KHDRBS2: variants seen among roughly 807,000 people sequenced by gnomAD.
The protein encoded by KHDRBS2 is KH domain-containing, RNA-binding, signal transduction-associated protein 2.
Under a neutral mutation model 44.3 loss-of-function variants are expected in KHDRBS2, and 26 were observed. The ratio of observed to expected loss-of-function variants is 0.59; its 90% CI spans 0.43 to 0.81. The LOEUF (loss-of-function observed/expected upper bound fraction) is 0.81, where lower values mean the gene tolerates loss of function less well. Ranked by LOEUF, KHDRBS2 falls within the 40% of genes least tolerant of loss-of-function variation. The probability of loss-of-function intolerance (pLI) is 0.00; values close to 1 mark genes in which losing one functional copy is unlikely to be tolerated. For missense variants in KHDRBS2, 476 were observed against 433.1 expected, an observed-to-expected ratio of 1.10 and a Z score of -0.88; for synonymous variants, 194 against 151.1, an observed-to-expected ratio of 1.28 and a Z score of -2.08.
chr6:61,942,124 T>TA (rs74662367), intron 4 of KHDRBS2, among the ~76,000 whole-genome samples: 7,544 of 151,008 alleles, frequency 0.05, 368 homozygotes, highest in East Asian at 0.24. Flanking sequence ...CCTACCCAAT[T>TA]AAAAAAAAGA....
intron 5 of KHDRBS2, among the ~76,000 whole-genome samples, chr6:61,900,057 G>T (rs1338964101): frequency 2.6e-5 from 4 of 151,744 alleles, no homozygotes; most frequent in Non-Finnish European, 5.9e-5. Flanking sequence ...GCTTATTTTT[G>T]ATTTTTTAAA....
chr6:61,656,245 G>C, the KHDRBS2 span, among the ~76,000 whole-genome samples: 2 of 151,922 alleles, frequency 1.3e-5, no homozygotes, highest in East Asian at 1.9e-4. Flanking sequence ...AAACCATATA[G>C]CCTCATCTCT....
At chr6:62,107,286 T>C (rs539049685) in intron 2 of KHDRBS2, among the ~76,000 whole-genome samples, 2 of 152,084 alleles carry the variant, frequency 1.3e-5, no homozygotes, top group African/African-American at 2.4e-5. Flanking sequence ...ACAAGCATTC[T>C]TATACACCAA....
At chr6:61,835,130 G>A (rs775622067) in intron 6 of KHDRBS2, among the ~76,000 whole-genome samples, 1 of 151,960 alleles carries the variant, frequency 6.6e-6, no homozygotes, top group Non-Finnish European at 1.5e-5. Flanking sequence ...AAAGCTGGGG[G>A]TTTATTATTC....
chr6:62,245,580 G>T (rs1199779480), intron 1 of KHDRBS2, among the ~76,000 whole-genome samples: 1 of 151,968 alleles, frequency 6.6e-6, no homozygotes, highest in African/African-American at 2.4e-5. Flanking sequence ...ATCTTTAAAA[G>T]ATTCAATATA....
intron 2 of KHDRBS2, among the ~76,000 whole-genome samples, chr6:62,159,850 A>C (rs1817260130): frequency 6.6e-6 from 1 of 152,136 alleles, no homozygotes; most frequent in African/African-American, 2.4e-5. Context: ...AATCATCATA[A>C]AAGTCTTCAT....
At chr6:62,190,715 A>G (rs945537412) in intron 1 of KHDRBS2, among the ~76,000 whole-genome samples, 12 of 152,120 alleles carry the variant, frequency 7.9e-5, no homozygotes, top group Non-Finnish European at 2.9e-5. Flanking sequence ...AAAACCTATT[A>G]GCTCTAAAAC....
chr6:61,591,705 A>G, the KHDRBS2 span, among the ~76,000 whole-genome samples: 1 of 152,180 alleles, frequency 6.6e-6, no homozygotes, highest in African/African-American at 2.4e-5. Context: ...ATTTCCAAGA[A>G]AGACAAAGTT....
At chr6:62,165,656 A>G (rs1273702504) in intron 2 of KHDRBS2, among the ~76,000 whole-genome samples, 1 of 151,934 alleles carries the variant, frequency 6.6e-6, no homozygotes, top group East Asian at 1.9e-4. Context: ...TATTATTGTA[A>G]AATAGACAGC....
At position 62,101,485 on chromosome 6, in the gene KHDRBS2, G is replaced by T. The variant is rs185113393; in HGVS notation, c.220-53491C>A. On this transcript the variant is annotated intron_variant, in intron 2 of 8. Transcript: ENST00000281156. ...TGCTGTGTTGTGAATATATGTCAAGGTACAAGGAGGAAAGCAAAGAGATGG... is the reference window on the plus strand; with the variant it reads ...TGCTGTGTTGTGAATATATGTCAAGTTACAAGGAGGAAAGCAAAGAGATGG... Among the ~76,000 whole-genome samples, 217 of 152,220 alleles carry T rather than the reference G, an allele frequency of 1.4e-3. 1 individual carries two copies. Among genetic ancestry groups the T allele is most frequent in the African/African-American group, 5.0e-3 (207 of 41,556 alleles).
chr6:61,645,498 A>G, the KHDRBS2 span, among the ~76,000 whole-genome samples: 3 of 147,284 alleles, frequency 2.0e-5, no homozygotes, highest in Admixed American at 2.1e-4. Flanking sequence ...ACATAAAACA[A>G]CAACAACAAA....
the KHDRBS2 span, among the ~76,000 whole-genome samples, chr6:61,590,043 A>T: frequency 6.6e-6 from 1 of 151,496 alleles, no homozygotes; most frequent in Non-Finnish European, 1.5e-5. Flanking sequence ...ATCTGCTGGT[A>T]AAAAAAAATA....
At chr6:61,911,911 A>C (rs112978807) in intron 4 of KHDRBS2, among the ~76,000 whole-genome samples, 1,529 of 152,158 alleles carry the variant, frequency 0.01, 11 homozygotes, top group Middle Eastern at 0.017. Context: ...CCTGCATACT[A>C]TTCATACTAT....
chr6:62,198,265 C>T (rs994600087), intron 1 of KHDRBS2, among the ~76,000 whole-genome samples: 1 of 151,906 alleles, frequency 6.6e-6, no homozygotes, highest in African/African-American at 2.4e-5. Flanking sequence ...AATAGAGACA[C>T]AAAAACCCTT....
intron 1 of KHDRBS2, among the ~76,000 whole-genome samples, chr6:62,189,937 C>A (rs1186251556): frequency 2.6e-5 from 4 of 151,986 alleles, no homozygotes; most frequent in Non-Finnish European, 5.9e-5. Context: ...ATTCTGGAGC[C>A]TAAGGAAAAG....
rs1164495871 is a variant in KHDRBS2, at chr6:62,152,323, C to A, written c.219+24862G>T. On this transcript the variant is annotated intron_variant, in intron 2 of 8. Coordinates refer to ENST00000281156, the MANE Select transcript of KHDRBS2 (RefSeq NM_152688.4). ...AACAAGAGTGAAACTCTGTCTCAAA[C>A]AAAAACAAAAAACAAACAAAAAAAT... 3.3e-5 allele frequency among the ~76,000 whole-genome samples: 5 copies of A among 152,026 alleles called. No homozygotes were observed. In the East Asian group the frequency reaches 9.7e-4, roughly 29 times the overall value.
chr6:61,899,925 C>T (rs1475777784), intron 5 of KHDRBS2, among the ~76,000 whole-genome samples: 1 of 151,786 alleles, frequency 6.6e-6, no homozygotes, highest in Admixed American at 6.6e-5. Context: ...GTCTTTTTTA[C>T]CTCATCAAGA....
intron 2 of KHDRBS2, among the ~76,000 whole-genome samples, chr6:62,150,585 C>A (rs1312748486): frequency 6.6e-6 from 1 of 152,100 alleles, no homozygotes; most frequent in Non-Finnish European, 1.5e-5. Context: ...TATTTTCTTT[C>A]TAAATGGTGT....
rs1554236954 is a variant in KHDRBS2, at chr6:61,848,570, T to TATAC, written c.810+46064_810+46065insGTAT. ...ATATATACATATATATATGTATATA[T>TATAC]ATATACATATATATATATATATACT... On this transcript the variant is annotated intron_variant, in intron 6 of 8. Coordinates refer to ENST00000281156, the MANE Select transcript of KHDRBS2 (RefSeq NM_152688.4). 2.1e-4 allele frequency among the ~76,000 whole-genome samples: 15 copies of TATAC among 71,516 alleles called. 1 individual carries two copies. The highest frequency in any genetic ancestry group is 5.8e-4 in the Admixed American group (4 of 6,878). 46.9% of individuals were successfully genotyped at this position (71,516 alleles called of 152,430 possible). A position where few individuals can be genotyped will look rare whatever the true frequency, so the allele number is the denominator to read the frequency against.
Sources: gnomAD v4.1 joint callset for allele counts (sites outside exome capture counted in the v4.1 genomes callset) on GRCh38, gnomAD v4.1.1 for gene constraint, MANE v1.5 for transcripts, NCBI Gene and HGNC (gene_info 2026-07-23, HGNC 2026-07-21) for gene names.